CPEB3: variants seen among roughly 807,000 people sequenced by gnomAD.
The protein encoded by CPEB3 is cytoplasmic polyadenylation element binding protein 3.
CPEB3 carries 20 observed loss-of-function variants against 67.2 expected under a neutral mutation model. That is an observed-to-expected ratio of 0.30 (90% CI 0.21 to 0.43). The LOEUF is 0.43. Among genes scored for constraint, CPEB3 ranks in the 20% least tolerant of loss-of-function variants. CPEB3 has a pLI of 1.00. For synonymous variants in CPEB3, 376 were observed against 393.1 expected (o/e 0.96, Z 0.51); for missense variants, 746 against 968.6 (o/e 0.77, Z 3.05).
At chr10:92,227,461 C>G (rs563767119) in intron 2 of CPEB3, among the ~76,000 whole-genome samples, 6 of 152,330 alleles carry the variant, frequency 3.9e-5, no homozygotes, top group South Asian at 4.1e-4. Context: ...TAAATCCCAT[C>G]CCTTTGATCA....
chr10:92,153,377 T>C (rs1847053302), intron 4 of CPEB3, among the ~76,000 whole-genome samples: 1 of 152,144 alleles, frequency 6.6e-6, no homozygotes, highest in Non-Finnish European at 1.5e-5. Flanking sequence ...TATGCAGGAG[T>C]ACATTTATAA....
chr10:92,138,177 G>A (rs185691782), intron 6 of CPEB3: 40 of 211,818 alleles, frequency 1.9e-4, no homozygotes, highest in Non-Finnish European at 3.2e-4. Context: ...GCATTCATGT[G>A]CAGCAGGTTT....
intron 6 of CPEB3, among the ~76,000 whole-genome samples, chr10:92,117,040 T>G (rs1401972099): frequency 2.0e-5 from 3 of 152,222 alleles, no homozygotes; most frequent in African/African-American, 7.2e-5. Flanking sequence ...TTTTTGTTTT[T>G]TTGAGACAGA....
At chr10:92,287,687 A>T (rs1842596087) in intron 1 of CPEB3, among the ~76,000 whole-genome samples, 1 of 152,210 alleles carries the variant, frequency 6.6e-6, no homozygotes, top group Non-Finnish European at 1.5e-5. Flanking sequence ...TTTATGTAAC[A>T]TTAAAATTCA....
At chr10:92,120,040 G>A (rs1564795841) in intron 6 of CPEB3, among the ~76,000 whole-genome samples, 1 of 132,682 alleles carries the variant, frequency 7.5e-6, no homozygotes, top group Admixed American at 8.5e-5. Flanking sequence ...GGATCACGAG[G>A]TCAGGAGATG....
chr10:92,208,529 T>C (rs1837768048), intron 2 of CPEB3, among the ~76,000 whole-genome samples: 1 of 152,114 alleles, frequency 6.6e-6, no homozygotes. Flanking sequence ...TCTTGGGTCT[T>C]TCCAAATTTT....
chr10:92,147,235 C>T (rs1318174429), intron 4 of CPEB3, among the ~76,000 whole-genome samples: 1 of 152,118 alleles, frequency 6.6e-6, no homozygotes, highest in Non-Finnish European at 1.5e-5. Flanking sequence ...GCAGGTGGAT[C>T]ACTTGAGTCC....
At chr10:92,174,580 A>T (rs1318859204) in intron 4 of CPEB3, among the ~76,000 whole-genome samples, 2 of 152,208 alleles carry the variant, frequency 1.3e-5, no homozygotes, top group African/African-American at 4.8e-5. Context: ...CATGAGATAC[A>T]GAAAAAATAA....
chr10:92,228,737 A>C (rs1339813480), intron 2 of CPEB3, among the ~76,000 whole-genome samples: 1 of 148,930 alleles, frequency 6.7e-6, no homozygotes, highest in Non-Finnish European at 1.5e-5. Flanking sequence ...TTTTTGAGAC[A>C]GTGGCTCGCT....
chr10:92,247,524 A>C (rs948876676), intron 1 of CPEB3, among the ~76,000 whole-genome samples: 7 of 152,068 alleles, frequency 4.6e-5, no homozygotes, highest in African/African-American at 1.7e-4. Context: ...CAGCCTCCCG[A>C]GTAGCTGGGA....
At chr10:92,177,565 C>A (rs1848278111) in intron 4 of CPEB3, among the ~76,000 whole-genome samples, 1 of 152,170 alleles carries the variant, frequency 6.6e-6, no homozygotes, top group African/African-American at 2.4e-5. Flanking sequence ...TTACACAAAC[C>A]TCGCCAATTT....
intron 7 of CPEB3, among the ~76,000 whole-genome samples, chr10:92,095,589 T>C (rs980798305): frequency 1.2e-5 from 1 of 81,708 alleles, no homozygotes; most frequent in African/African-American, 6.8e-5. Flanking sequence ...GATTTATATA[T>C]ATATATATAT....
At chr10:92,093,364 A>C (rs1334880633) in intron 7 of CPEB3, among the ~76,000 whole-genome samples, 1 of 152,228 alleles carries the variant, frequency 6.6e-6, no homozygotes, top group African/African-American at 2.4e-5. Context: ...AATGCGAAGA[A>C]ACATATGTGA....
chr10:92,207,929 A>C (rs1339785894), intron 2 of CPEB3, among the ~76,000 whole-genome samples: 1 of 152,182 alleles, frequency 6.6e-6, no homozygotes, highest in East Asian at 1.9e-4. Flanking sequence ...GCACATAGCC[A>C]ATATTGGTCA....
At chr10:92,101,097 T>C (rs768808625) in intron 7 of CPEB3, among the ~76,000 whole-genome samples, 3 of 152,140 alleles carry the variant, frequency 2.0e-5, no homozygotes, top group Non-Finnish European at 4.4e-5. Flanking sequence ...CTGCATAGGA[T>C]TTCATTTTCA....
intron 9 of CPEB3, among the ~76,000 whole-genome samples, chr10:92,073,758 G>A (rs532689659): frequency 6.6e-6 from 1 of 152,030 alleles, no homozygotes; most frequent in East Asian, 1.9e-4. Context: ...CGAGGCCCTG[G>A]ATGAGCAGCA....
chr10:92,184,298 A>G (rs922386971), intron 3 of CPEB3, among the ~76,000 whole-genome samples: 1 of 152,174 alleles, frequency 6.6e-6, no homozygotes, highest in East Asian at 1.9e-4. Flanking sequence ...AAAGTGAGCA[A>G]CAAAAGATTT....
At chr10:92,236,618 G>A (rs1029312103) in intron 2 of CPEB3, among the ~76,000 whole-genome samples, 5 of 151,922 alleles carry the variant, frequency 3.3e-5, no homozygotes, top group African/African-American at 4.8e-5. Flanking sequence ...GCGTGGTGGC[G>A]GACGCCTGTA....
intron 6 of CPEB3, chr10:92,138,493 C>T (rs573379699): frequency 7.9e-6 from 1 of 126,616 alleles, no homozygotes; most frequent in South Asian, 2.4e-4. Flanking sequence ...CTTGAATAAA[C>T]GTCACTTTTT....
Sources: allele counts gnomAD v4.1 joint callset (sites outside exome capture counted in the v4.1 genomes callset), GRCh38; gene constraint gnomAD v4.1.1; transcripts MANE v1.5; gene names NCBI Gene and HGNC (gene_info 2026-07-23, HGNC 2026-07-21).